LCE7A: variants seen among roughly 807,000 people sequenced by gnomAD.
LCE7A encodes late cornified envelope 7A, also known as late cornified envelope protein 7A.
chr1:152,861,024 A>T, the LCE7A span, among the ~76,000 whole-genome samples: 1 of 152,042 alleles, frequency 6.6e-6, no homozygotes, highest in Non-Finnish European at 1.5e-5. Flanking sequence ...ACAGCCAAGG[A>T]CCCGCCCTGA....
the LCE7A span, among the ~76,000 whole-genome samples, chr1:152,861,119 C>G: frequency 3.9e-5 from 6 of 152,180 alleles, no homozygotes; most frequent in Admixed American, 3.3e-4. Flanking sequence ...TGGGCTCCCC[C>G]TTTTGCTGAG....
chr1:152,860,485 A>G, the LCE7A span, among the ~76,000 whole-genome samples: 1 of 152,092 alleles, frequency 6.6e-6, no homozygotes, highest in Non-Finnish European at 1.5e-5. Context: ...GGCACAAGAG[A>G]AGATGTCACC....
At chr1:152,860,331 C>T in the LCE7A span, among the ~76,000 whole-genome samples, 19 of 152,200 alleles carry the variant, frequency 1.2e-4, no homozygotes, top group South Asian at 4.2e-4. Flanking sequence ...TGAGAGGTGA[C>T]GTAACCATAG....
chr1:152,860,045 C>T, the LCE7A span, among the ~76,000 whole-genome samples: 1 of 152,186 alleles, frequency 6.6e-6, no homozygotes, highest in South Asian at 2.1e-4. Flanking sequence ...AGTGTTTTTA[C>T]TGATCTGATG....
At chr1:152,860,809 C>T in the LCE7A span, among the ~76,000 whole-genome samples, 1 of 152,212 alleles carries the variant, frequency 6.6e-6, no homozygotes, top group Non-Finnish European at 1.5e-5. Flanking sequence ...TCCATGCCCC[C>T]CTCCAGCTCC....
At chr1:152,860,005 T>A in the LCE7A span, among the ~76,000 whole-genome samples, 3 of 152,212 alleles carry the variant, frequency 2.0e-5, no homozygotes, top group South Asian at 6.2e-4. Context: ...CGTAGTCCCA[T>A]CGTTTGCCCA....
the LCE7A span, among the ~76,000 whole-genome samples, chr1:152,860,123 G>A: frequency 6.6e-6 from 1 of 152,160 alleles, no homozygotes; most frequent in African/African-American, 2.4e-5. Flanking sequence ...GGAGAGAATG[G>A]AAATTGATAA....
At chr1:152,860,938 G>A in the LCE7A span, among the ~76,000 whole-genome samples, 4 of 152,202 alleles carry the variant, frequency 2.6e-5, no homozygotes, top group Non-Finnish European at 5.9e-5. Flanking sequence ...CTGTGAGCAC[G>A]AGTCTTCTAG....
the LCE7A span, among the ~76,000 whole-genome samples, chr1:152,860,720 A>G: frequency 4.0e-4 from 61 of 152,352 alleles, no homozygotes; most frequent in African/African-American, 1.4e-3. Flanking sequence ...AAACACCAGC[A>G]GAAATGGCAG....
chr1:152,860,885 G>A, the LCE7A span, among the ~76,000 whole-genome samples: 5 of 152,224 alleles, frequency 3.3e-5, no homozygotes, highest in East Asian at 1.9e-4. Context: ...GTTTCACTCC[G>A]GTTTCCACGA....
At chr1:152,860,796 A>C in the LCE7A span, among the ~76,000 whole-genome samples, 1 of 152,200 alleles carries the variant, frequency 6.6e-6, no homozygotes, top group Admixed American at 6.5e-5. Flanking sequence ...CTTCATGTCC[A>C]GCTCCATGCC....
chr1:152,860,647 G>C, the LCE7A span, among the ~76,000 whole-genome samples: 2 of 152,162 alleles, frequency 1.3e-5, no homozygotes, highest in African/African-American at 4.8e-5. Flanking sequence ...ACATTAATTA[G>C]ACTTTTGAAA....
chr1:152,860,409 T>G, the LCE7A span, among the ~76,000 whole-genome samples: 1 of 152,060 alleles, frequency 6.6e-6, no homozygotes, highest in Non-Finnish European at 1.5e-5. Flanking sequence ...AAGTGAAGAT[T>G]TGGGGGACTA....
At chr1:152,860,873 T>C in the LCE7A span, among the ~76,000 whole-genome samples, 1 of 152,184 alleles carries the variant, frequency 6.6e-6, no homozygotes, top group Non-Finnish European at 1.5e-5. Flanking sequence ...CACTGCTCTC[T>C]AGTTTCACTC....
the LCE7A span, among the ~76,000 whole-genome samples, chr1:152,860,303 A>G: frequency 3.9e-5 from 6 of 152,210 alleles, no homozygotes; most frequent in African/African-American, 1.4e-4. Flanking sequence ...GCAAGAAAGA[A>G]AAAAAGGGAG....
the LCE7A span, among the ~76,000 whole-genome samples, chr1:152,860,388 G>A: frequency 6.6e-6 from 1 of 152,128 alleles, no homozygotes; most frequent in South Asian, 2.1e-4. Context: ...TTAGAAGATA[G>A]GATAATAAGT....
chr1:152,861,065 C>A, the LCE7A span, among the ~76,000 whole-genome samples: 10 of 152,188 alleles, frequency 6.6e-5, no homozygotes, highest in Admixed American at 6.5e-4. Context: ...TTACCCTCCT[C>A]CTTCCTTCTC....
the LCE7A span, among the ~76,000 whole-genome samples, chr1:152,860,874 A>C: frequency 2.0e-5 from 3 of 152,052 alleles, no homozygotes; most frequent in Non-Finnish European, 4.4e-5. Flanking sequence ...ACTGCTCTCT[A>C]GTTTCACTCC....
At chr1:152,860,577 C>T in the LCE7A span, among the ~76,000 whole-genome samples, 1 of 152,098 alleles carries the variant, frequency 6.6e-6, no homozygotes, top group Non-Finnish European at 1.5e-5. Flanking sequence ...GCTTCTGGAG[C>T]CACATATTCA....
Sources: allele counts gnomAD v4.1 joint callset (sites outside exome capture counted in the v4.1 genomes callset), GRCh38; gene constraint gnomAD v4.1.1; transcripts MANE v1.5; gene names NCBI Gene and HGNC (gene_info 2026-07-23, HGNC 2026-07-21).